FCMR: variants seen among roughly 807,000 people sequenced by gnomAD.
FCMR encodes the protein Fc mu receptor, also known as immunoglobulin mu Fc receptor.
FCMR carries 34 observed loss-of-function variants against 41.6 expected under a neutral mutation model. The ratio of observed to expected loss-of-function variants is 0.82; its 90% CI spans 0.62 to 1.09. FCMR has a LOEUF of 1.09. Among genes scored for constraint, FCMR ranks in the 50% least tolerant of loss-of-function variants. FCMR has a pLI of 0.00. For missense variants in FCMR, 496 were observed against 512.5 expected, an observed-to-expected ratio of 0.97 and a Z score of 0.31; for synonymous variants, 209 against 211.8, an observed-to-expected ratio of 0.99 and a Z score of 0.12.
intron 1 of FCMR, among the ~76,000 whole-genome samples, chr1:206,917,357 T>C (rs1273316149): frequency 6.6e-6 from 1 of 152,178 alleles, no homozygotes; most frequent in African/African-American, 2.4e-5. Flanking sequence ...GATTTTTTTT[T>C]TGAAGGATGA....
intron 7 of FCMR, 94 bp from the exon 8 acceptor site, chr1:206,905,241 A>C (rs1678576599): frequency 7.1e-7 from 1 of 1,411,390 alleles, no homozygotes; most frequent in Non-Finnish European, 9.8e-7. Context: ...GGGCATGGAC[A>C]TGGCTGCTGA....
intron 1 of FCMR, 31 bp downstream of exon 1, chr1:206,921,787 G>A (rs1679451090): frequency 6.2e-7 from 1 of 1,605,900 alleles, no homozygotes; most frequent in East Asian, 2.2e-5. Context: ...GCCTCATTCA[G>A]AGGTCTGAAG....
intron 4 of FCMR, 117 bp downstream of exon 4, chr1:206,911,613 T>G (rs974055119): frequency 2.2e-6 from 2 of 924,324 alleles, no homozygotes; most frequent in African/African-American, 3.3e-5. Context: ...AGGTGGTATA[T>G]TTCACAGTGG....
chr1:206,905,844 G>C (rs1166114726), intron 7 of FCMR: 1 of 163,668 alleles, frequency 6.1e-6, no homozygotes, highest in African/African-American at 2.4e-5. Context: ...CATTCAGGAA[G>C]TACTCATTGA....
intron 4 of FCMR, 115 bp from the exon 5 acceptor site, chr1:206,910,455 G>T: frequency 2.5e-6 from 2 of 812,578 alleles, no homozygotes; most frequent in Non-Finnish European, 3.5e-6. Flanking sequence ...TTGTCCTTTT[G>T]TTAACAGAAT....
At position 206,909,637 on chromosome 1, in the gene FCMR, G is replaced by GAGGTGA; in HGVS notation, c.985+87_985+88insTCACCT. 7.5e-7 allele frequency: 1 copy of GAGGTGA among 1,333,606 alleles called. No individual in the cohort carries two copies. The allele number at this position is 1,333,606 out of a possible 1,614,324, so 82.6% of individuals were successfully genotyped here. A position where few individuals can be genotyped will look rare whatever the true frequency, so the allele number is the denominator to read the frequency against. On this transcript the variant is annotated intron_variant, in intron 6 of 7. Transcript: ENST00000367091. The surrounding 1 kb of genome is among the most constrained non-coding windows in gnomAD (Gnocchi z 5.0). ...CAGCTCCACCCTGTGGGAAGCCCTGGCACCTGGGAGCGCGCCCCGCTGCGC... is the reference window on the plus strand; with the variant it reads ...CAGCTCCACCCTGTGGGAAGCCCTGGAGGTGACACCTGGGAGCGCGCCCCGCTGCGC...
chr1:206,905,385 G>C (rs1353803431), intron 7 of FCMR, among the ~76,000 whole-genome samples: 1 of 152,184 alleles, frequency 6.6e-6, no homozygotes, highest in Non-Finnish European at 1.5e-5. Flanking sequence ...ATGGGGCTCA[G>C]AGTAAAATCA....
intron 1 of FCMR, among the ~76,000 whole-genome samples, chr1:206,920,326 G>A (rs931714927): frequency 3.9e-5 from 6 of 151,984 alleles, no homozygotes; most frequent in East Asian, 3.9e-4. Context: ...ACGATAGTGC[G>A]CACCTGTAAT....
intron 1 of FCMR, among the ~76,000 whole-genome samples, chr1:206,914,372 CCCTT>C (rs751175152): frequency 7.5e-4 from 103 of 138,088 alleles, no homozygotes; most frequent in Non-Finnish European, 1.5e-3. Flanking sequence ...CTTTTTCTTT[CCCTT>C]CCTTCCTTCC....
Position 206,905,314 on chromosome 1 carries a change from T to C in FCMR, c.1045-167A>G, listed in dbSNP as rs368673800. On this transcript the variant is annotated intron_variant, in intron 7 of 7. Coordinates refer to ENST00000367091, the MANE Select transcript of FCMR (RefSeq NM_005449.5). Reference sequence around the variant, plus strand: ...ATCAAGTGGAGTAGCCCTGGGGATTTTCAGGGTAGTGTCTCACCTGAGATA... The same window carrying C: ...ATCAAGTGGAGTAGCCCTGGGGATTCTCAGGGTAGTGTCTCACCTGAGATA... 2.6e-4 allele frequency among the ~76,000 whole-genome samples: 40 copies of C among 152,076 alleles called. 1 individual carries two copies. In the East Asian group the frequency reaches 4.6e-3, roughly 18 times the overall value.
chr1:206,909,666 GC>G lies in FCMR; in HGVS notation c.985+58del. ...CTGGGAGCGCGCCCCGCTGCGCCCG[GC>G]TTTCCCGGAGCCAGCGCACTCTTTC... is the stretch of plus-strand genomic sequence containing the variant. On this transcript the variant is annotated intron_variant, in intron 6 of 7. Transcript: ENST00000367091. This position sits in a 1 kb window ranked among gnomAD's most constrained non-coding sequence, Gnocchi z 5.0. The G allele has an allele frequency of 7.4e-7, 1 of 1,356,042 alleles. No homozygotes were observed. The highest frequency in any genetic ancestry group is 9.4e-7 in the Non-Finnish European group (1 of 1,060,448). 84.0% of individuals were successfully genotyped at this position (1,356,042 alleles called of 1,614,324 possible). A position where few individuals can be genotyped will look rare whatever the true frequency, so the allele number is the denominator to read the frequency against.
intron 4 of FCMR, among the ~76,000 whole-genome samples, chr1:206,910,558 G>A (rs1678895008): frequency 6.6e-6 from 1 of 152,048 alleles, no homozygotes; most frequent in Non-Finnish European, 1.5e-5. Context: ...GTGTGATCTC[G>A]AACGAGTCTC....
At chr1:206,905,549 G>T (rs1419474178) in intron 7 of FCMR, among the ~76,000 whole-genome samples, 2 of 152,200 alleles carry the variant, frequency 1.3e-5, no homozygotes. Flanking sequence ...AGGGCTCAGA[G>T]ATGCTGTGAT....
intron 7 of FCMR, among the ~76,000 whole-genome samples, chr1:206,905,506 G>T (rs987017465): frequency 6.6e-6 from 1 of 152,172 alleles, no homozygotes; most frequent in Non-Finnish European, 1.5e-5. Context: ...GAGTTATTCA[G>T]AAGTAGAGTG....
chr1:206,903,333 A>G lies in FCMR; in HGVS notation c.*1686T>C, dbSNP rs1678473541. 1 of 362,522 alleles carries G rather than the reference A, an allele frequency of 2.8e-6. No homozygotes were observed. The highest frequency in any genetic ancestry group is 4.2e-5 in the Admixed American group (1 of 23,770). 22.5% of individuals were successfully genotyped at this position (362,522 alleles called of 1,614,324 possible). A position where few individuals can be genotyped will look rare whatever the true frequency, so the allele number is the denominator to read the frequency against. ...ATGTCAGTATTTCAACTGAAGTTCT[A>G]TTTATTTGTGAGACTGTAAGTTACA... On this transcript the variant is annotated 3_prime_UTR_variant, in exon 8 of 8. Coordinates refer to ENST00000367091, the MANE Select transcript of FCMR (RefSeq NM_005449.5).
At chr1:206,921,982 CT>C, upstream of FCMR, 1 of 811,170 alleles carries the variant, frequency 1.2e-6, no homozygotes. Context: ...AGGAACAAAG[CT>C]TGACGATGAG....
intron 1 of FCMR, among the ~76,000 whole-genome samples, chr1:206,919,433 TA>T (rs1679340744): frequency 6.6e-6 from 1 of 151,994 alleles, no homozygotes; most frequent in South Asian, 2.1e-4. Flanking sequence ...CTATCTCTAT[TA>T]AAAATACAAA....
intron 7 of FCMR, among the ~76,000 whole-genome samples, chr1:206,907,080 C>CGGGGGGGG (rs1678681729): frequency 3.9e-5 from 1 of 25,706 alleles, no homozygotes. Context: ...CCGGAGAAGC[C>CGGGGGGGG]GGGGGGTGGG....
intron 7 of FCMR, chr1:206,907,632 A>ACCCCTGCAC: frequency 4.0e-6 from 3 of 753,178 alleles, no homozygotes. Context: ...GCGGGGGTGC[A>ACCCCTGCAC]GGTCCTGGTG....
Sources: gnomAD v4.1 joint callset for allele counts (sites outside exome capture counted in the v4.1 genomes callset) on GRCh38, gnomAD v4.1.1 for gene constraint, Gnocchi (gnomAD v3.1) non-coding constraint, MANE v1.5 for transcripts, NCBI Gene and HGNC (gene_info 2026-07-23, HGNC 2026-07-21) for gene names.